Variants in WWOX observed in about 807,000 individuals in gnomAD.
WWOX encodes WW domain-containing oxidoreductase.
A neutral mutation model predicts 46.2 loss-of-function variants in WWOX; 69 were observed. That is an observed-to-expected ratio of 1.49 (90% CI 1.23 to 1.82). The LOEUF (loss-of-function observed/expected upper bound fraction) is 1.82. Ranked by LOEUF, WWOX falls within the 40% of genes most tolerant of loss-of-function variation. WWOX has a pLI of 0.00. For missense variants in WWOX, 919 were observed against 542.6 expected, an observed-to-expected ratio of 1.69 and a Z score of -6.89; for synonymous variants, 359 against 202.6, an observed-to-expected ratio of 1.77 and a Z score of -6.56.
chr16:78,585,487 A>G (rs2045174483), intron 8 of WWOX, among the ~76,000 whole-genome samples: 1 of 152,120 alleles, frequency 6.6e-6, no homozygotes, highest in Non-Finnish European at 1.5e-5. Context: ...CACTGGCCAA[A>G]GTACTTGGGG....
chr16:78,861,541 T>G (rs190634457), intron 8 of WWOX, among the ~76,000 whole-genome samples: 7 of 152,324 alleles, frequency 4.6e-5, no homozygotes, highest in African/African-American at 1.7e-4. Flanking sequence ...ACATTATATA[T>G]TGTTATTCAT....
intron 8 of WWOX, among the ~76,000 whole-genome samples, chr16:78,910,454 C>A (rs756813789): frequency 6.6e-6 from 1 of 151,476 alleles, no homozygotes; most frequent in Non-Finnish European, 1.5e-5. Context: ...CTTGTTCATC[C>A]GTATTAGAAC....
chr16:79,039,691 CATG>C, intron 8 of WWOX, among the ~76,000 whole-genome samples: 1 of 152,272 alleles, frequency 6.6e-6, no homozygotes, highest in East Asian at 1.9e-4. Flanking sequence ...CTTAAGAAAA[CATG>C]AGGAGGAGCA....
At chr16:79,051,921 A>C (rs1056504045) in intron 8 of WWOX, among the ~76,000 whole-genome samples, 2 of 152,222 alleles carry the variant, frequency 1.3e-5, no homozygotes, top group African/African-American at 2.4e-5. Flanking sequence ...GCATTAGGTC[A>C]TAGCCTGTTC....
At chr16:78,297,708 A>C (rs1190298689) in intron 5 of WWOX, among the ~76,000 whole-genome samples, 1 of 152,156 alleles carries the variant, frequency 6.6e-6, no homozygotes, top group Non-Finnish European at 1.5e-5. Flanking sequence ...TAATCTACGA[A>C]CTGGGAGCCT....
At chr16:78,442,693 A>T (rs1050496809) in intron 8 of WWOX, among the ~76,000 whole-genome samples, 1 of 152,138 alleles carries the variant, frequency 6.6e-6, no homozygotes, top group East Asian at 1.9e-4. Flanking sequence ...TAAAAACCTC[A>T]TATGGGCCAG....
chr16:78,853,696 C>G (rs1225392523), intron 8 of WWOX, among the ~76,000 whole-genome samples: 1 of 152,114 alleles, frequency 6.6e-6, no homozygotes, highest in African/African-American at 2.4e-5. Flanking sequence ...AGTATGCACT[C>G]TCCTGCGTGG....
chr16:78,631,196 C>T lies in WWOX; in HGVS notation c.1056+198444C>T, dbSNP rs542852776. On this transcript the variant is annotated intron_variant, in intron 8 of 8. Coordinates refer to ENST00000566780, the MANE Select transcript of WWOX (RefSeq NM_016373.4). ...TCCTTGAACCAGTCCCCTTTGGATA[C>T]TGAGGGACAACTGTACAAATCACAT... Among the ~76,000 whole-genome samples the T allele has an allele frequency of 2.0e-5, 3 of 152,260 alleles. No individual in the cohort carries two copies. The East Asian group carries it at 5.8e-4, about 29-fold the overall frequency.
intron 8 of WWOX, among the ~76,000 whole-genome samples, chr16:78,493,214 T>C (rs939882182): frequency 6.6e-6 from 1 of 152,212 alleles, no homozygotes; most frequent in African/African-American, 2.4e-5. Flanking sequence ...TTCCATTGTC[T>C]TCCTGGACCT....
chr16:79,189,421 C>CTT (rs1567606977), intron 8 of WWOX, among the ~76,000 whole-genome samples: 20 of 126,756 alleles, frequency 1.6e-4, no homozygotes, highest in African/African-American at 5.9e-4. Flanking sequence ...CCACTCCCAG[C>CTT]TTTGTGTGTG....
intron 8 of WWOX, among the ~76,000 whole-genome samples, chr16:78,802,553 C>G (rs775629128): frequency 1.1e-4 from 16 of 152,038 alleles, no homozygotes; most frequent in Admixed American, 2.6e-4. Context: ...AAAACTTAGT[C>G]ACTAGTTTTG....
At chr16:79,209,144 A>T (rs147338358) in intron 8 of WWOX, among the ~76,000 whole-genome samples, 49 of 152,328 alleles carry the variant, frequency 3.2e-4, no homozygotes, top group African/African-American at 1.0e-3. Flanking sequence ...ATAAAAAGTT[A>T]GGCTTTTCAA....
At chr16:78,656,784 G>A (rs905381239) in intron 8 of WWOX, among the ~76,000 whole-genome samples, 3 of 152,108 alleles carry the variant, frequency 2.0e-5, no homozygotes, top group Non-Finnish European at 2.9e-5. Flanking sequence ...AAACCCAAGC[G>A]CCACAATCCT....
intron 8 of WWOX, among the ~76,000 whole-genome samples, chr16:78,617,411 A>G (rs1227701815): frequency 2.0e-5 from 3 of 152,100 alleles, no homozygotes; most frequent in African/African-American, 4.8e-5. Context: ...CCAAAAAAAA[A>G]AAAAAAAAAG....
At chr16:78,295,972 G>A (rs2079938193) in intron 5 of WWOX, among the ~76,000 whole-genome samples, 1 of 152,198 alleles carries the variant, frequency 6.6e-6, no homozygotes, top group Non-Finnish European at 1.5e-5. Flanking sequence ...TGACTCATGG[G>A]GTAGGATTCC....
chr16:79,082,761 T>G (rs2048784599), intron 8 of WWOX, among the ~76,000 whole-genome samples: 1 of 152,124 alleles, frequency 6.6e-6, no homozygotes, highest in Admixed American at 6.5e-5. Context: ...AGAAGGGACG[T>G]GTAGGGAAGA....
At chr16:78,274,721 C>T (rs753436421) in intron 5 of WWOX, among the ~76,000 whole-genome samples, 1 of 152,194 alleles carries the variant, frequency 6.6e-6, no homozygotes, top group Admixed American at 6.5e-5. Flanking sequence ...ATGCTGCTTT[C>T]GTTTCTTGGG....
intron 8 of WWOX, among the ~76,000 whole-genome samples, chr16:79,030,946 G>T (rs559592133): frequency 6.6e-6 from 1 of 151,840 alleles, no homozygotes; most frequent in South Asian, 2.1e-4. Context: ...AAATAAATTG[G>T]CTGGGTATGG....
intron 8 of WWOX, among the ~76,000 whole-genome samples, chr16:78,992,323 C>T (rs2046904406): frequency 1.3e-5 from 2 of 151,632 alleles, no homozygotes; most frequent in Non-Finnish European, 2.9e-5. Flanking sequence ...AAAAATTAGC[C>T]AGGTGTGGTG....
Sources: gnomAD v4.1 joint callset for allele counts (sites outside exome capture counted in the v4.1 genomes callset) on GRCh38, gnomAD v4.1.1 for gene constraint, MANE v1.5 for transcripts, NCBI Gene and HGNC (gene_info 2026-07-23, HGNC 2026-07-21) for gene names.